The following CCDC88C variants were observed in gnomAD, a reference collection of about 807,000 sequenced individuals.
CCDC88C encodes protein Daple.
Under a neutral mutation model 198.8 loss-of-function variants are expected in CCDC88C, and 131 were observed. That is an observed-to-expected ratio of 0.66 (90% CI 0.57 to 0.76). CCDC88C has a LOEUF of 0.76. CCDC88C is among the 30% of genes least tolerant of loss of function. The pLI is 0.00. For synonymous variants in CCDC88C, 1,166 were observed against 1,114.7 expected (o/e 1.05, Z -0.92); for missense variants, 2,553 against 2,631.6 (o/e 0.97, Z 0.65).
rs1445801293 is a variant in CCDC88C, at chr14:91,379,728, T to C, written c.271-20017A>G. On this transcript the variant is annotated intron_variant, in intron 3 of 29. Coordinates refer to ENST00000389857, the MANE Select transcript of CCDC88C (RefSeq NM_001080414.4). The stretch of plus-strand genomic sequence containing the variant: ...CCCAGAAGAGCCCACAGTGATGGCC[T>C]TCCATGGCCAGGCCTGGCAGCCACA... 3 of 663,362 alleles carry C rather than the reference T, an allele frequency of 4.5e-6. No individual in the cohort carries two copies. The East Asian group carries it at 8.2e-5, about 18-fold the overall frequency. 41.1% of individuals were successfully genotyped at this position (663,362 alleles called of 1,614,324 possible).
Position 91,320,950 on chromosome 14 carries a change from C to T in CCDC88C, c.1527+170G>A, listed in dbSNP as rs181675339. Reference sequence around the variant, plus strand: ...CCTCTGGCTCTCCCCAGTCCTCACTCCCATTCCTATTATAATCAGCGGTGA... The same window carrying T: ...CCTCTGGCTCTCCCCAGTCCTCACTTCCATTCCTATTATAATCAGCGGTGA... On this transcript the variant is annotated intron_variant, in intron 13 of 29. Coordinates refer to ENST00000389857, the MANE Select transcript of CCDC88C (RefSeq NM_001080414.4). Among the ~76,000 whole-genome samples the T allele has an allele frequency of 2.4e-3, 371 of 152,340 alleles. 2 individuals carry two copies. The highest frequency in any genetic ancestry group is 8.6e-3 in the African/African-American group (358 of 41,566).
intron 3 of CCDC88C, among the ~76,000 whole-genome samples, chr14:91,380,421 A>G (rs886447044): frequency 2.6e-5 from 4 of 152,336 alleles, no homozygotes; most frequent in African/African-American, 4.8e-5. Flanking sequence ...GCAAGCCAAA[A>G]AGTTGTCATT....
At chr14:91,417,551 G>T in intron 1 of CCDC88C, 80 bp downstream of exon 1, 1 of 1,381,440 alleles carries the variant, frequency 7.2e-7, no homozygotes, top group Non-Finnish European at 9.9e-7. Flanking sequence ...CCCCGGCCGT[G>T]TCGGGTCTGC....
In CCDC88C at chr14:91,313,041, C is replaced by G; in HGVS notation, c.2736+39G>C. 1 of 1,485,094 alleles carries G rather than the reference C, an allele frequency of 6.7e-7. No homozygotes were observed. The highest frequency in any genetic ancestry group is 1.3e-5 in the South Asian group (1 of 77,030). 92.0% of individuals were successfully genotyped at this position (1,485,094 alleles called of 1,614,324 possible). A position where few individuals can be genotyped will look rare whatever the true frequency, so the allele number is the denominator to read the frequency against. Reference sequence around the variant, plus strand: ...GCACCACAGAACCCACTACCACCATCTGCCAATCCCCTTACAGGCGCCGCC... The same window carrying G: ...GCACCACAGAACCCACTACCACCATGTGCCAATCCCCTTACAGGCGCCGCC... On this transcript the variant is annotated intron_variant, in intron 15 of 29. Coordinates refer to ENST00000389857, the MANE Select transcript of CCDC88C (RefSeq NM_001080414.4). The surrounding 1 kb of genome is among the most constrained non-coding windows in gnomAD (Gnocchi z 5.2).
intron 20 of CCDC88C, among the ~76,000 whole-genome samples, 160 bp from the exon 21 acceptor site, chr14:91,300,230 A>T (rs995551412): frequency 1.3e-5 from 2 of 152,138 alleles, no homozygotes; most frequent in African/African-American, 2.4e-5. Context: ...ACAGGCGGGG[A>T]GCGCAGCCAC....
chr14:91,416,428 C>T (rs906647289), intron 2 of CCDC88C, among the ~76,000 whole-genome samples: 2 of 152,206 alleles, frequency 1.3e-5, no homozygotes, highest in African/African-American at 4.8e-5. Context: ...GGGACTTTTT[C>T]ATTTCATTGC....
At chr14:91,404,583 C>T (rs1330232505) in intron 3 of CCDC88C, among the ~76,000 whole-genome samples, 2 of 152,190 alleles carry the variant, frequency 1.3e-5, no homozygotes, top group African/African-American at 4.8e-5. Context: ...ATCTGGGGAC[C>T]ATCCTTTGAA....
chr14:91,359,407 G>C (rs1248688175), intron 4 of CCDC88C, among the ~76,000 whole-genome samples: 1 of 152,104 alleles, frequency 6.6e-6, no homozygotes, highest in Non-Finnish European at 1.5e-5. Context: ...AAAGTGCTGG[G>C]ATTACAGGCG....
At chr14:91,323,715 A>G (rs1892452294) in intron 12 of CCDC88C, among the ~76,000 whole-genome samples, 1 of 152,254 alleles carries the variant, frequency 6.6e-6, no homozygotes, top group Admixed American at 6.5e-5. Flanking sequence ...ACAAATATTT[A>G]GTTGATGAGA....
chr14:91,317,081 C>CCCTCTT (rs918978832), intron 13 of CCDC88C, among the ~76,000 whole-genome samples: 14 of 152,340 alleles, frequency 9.2e-5, no homozygotes, highest in African/African-American at 3.4e-4. Context: ...AAAGGGCTGC[C>CCCTCTT]CCTCTTCCTC....
intron 15 of CCDC88C, among the ~76,000 whole-genome samples, chr14:91,312,425 G>A (rs1256882306): frequency 6.6e-6 from 1 of 152,130 alleles, no homozygotes; most frequent in Non-Finnish European, 1.5e-5. Flanking sequence ...GCTCATGCCT[G>A]TAATCCCAGC....
chr14:91,298,570 G>T (rs1002570923), intron 21 of CCDC88C, among the ~76,000 whole-genome samples: 1 of 151,692 alleles, frequency 6.6e-6, no homozygotes, highest in African/African-American at 2.4e-5. Flanking sequence ...TAAAAAATTT[G>T]AAGTTTACAT....
chr14:91,329,034 A>C (rs940146610), intron 10 of CCDC88C, among the ~76,000 whole-genome samples: 3 of 152,154 alleles, frequency 2.0e-5, no homozygotes, highest in Non-Finnish European at 4.4e-5. Flanking sequence ...GGGCATCCTC[A>C]GTGGGGAGGG....
intron 4 of CCDC88C, among the ~76,000 whole-genome samples, chr14:91,359,433 G>A (rs923483582): frequency 6.6e-5 from 10 of 152,124 alleles, no homozygotes; most frequent in Admixed American, 2.6e-4. Context: ...CACCGCGCCC[G>A]GCCTGGGAGG....
chr14:91,384,610 C>T, intron 3 of CCDC88C: 1 of 422,886 alleles, frequency 2.4e-6, no homozygotes, highest in Non-Finnish European at 4.7e-6. Context: ...CACTATTGTG[C>T]TGCACACTAC....
chr14:91,287,068 A>AT (rs144140010), intron 25 of CCDC88C, among the ~76,000 whole-genome samples: 2 of 152,154 alleles, frequency 1.3e-5, no homozygotes, highest in East Asian at 3.8e-4. Context: ...CCAGTCAAGC[A>AT]TTTTTTTCTC....
At position 91,400,814 on chromosome 14, in the gene CCDC88C, G is replaced by T. The variant is rs1267520967; in HGVS notation, c.270+7845C>A. Among the ~76,000 whole-genome samples, 7 of 152,298 alleles carry T rather than the reference G, an allele frequency of 4.6e-5. No individual in the cohort carries two copies. The East Asian group carries it at 1.3e-3, about 29-fold the overall frequency. ...AAAAAGGAAAAAACCTATAAATAAG[G>T]CTATTTTGGCAGTAAGTAGCAAAAA... On this transcript the variant is annotated intron_variant, in intron 3 of 29. Transcript: ENST00000389857.
chr14:91,312,293 C>T (rs1404998818), intron 15 of CCDC88C, among the ~76,000 whole-genome samples: 2 of 152,112 alleles, frequency 1.3e-5, no homozygotes, highest in Non-Finnish European at 2.9e-5. Context: ...GAGGCTGAGG[C>T]AGGAGAATCG....
chr14:91,345,182 ATATATATAT>A (rs1335170923), intron 4 of CCDC88C, among the ~76,000 whole-genome samples: 2 of 68,278 alleles, frequency 2.9e-5, no homozygotes, highest in African/African-American at 1.1e-4. Context: ...ATATATATAT[ATATATATAT>A]TTTTTTTTTT....
Sources: allele counts gnomAD v4.1 joint callset (sites outside exome capture counted in the v4.1 genomes callset), GRCh38; gene constraint gnomAD v4.1.1; non-coding constraint Gnocchi (gnomAD v3.1); transcripts MANE v1.5; gene names NCBI Gene and HGNC (gene_info 2026-07-23, HGNC 2026-07-21).